FLT1: variants seen among roughly 807,000 people sequenced by gnomAD.
The protein encoded by FLT1 is vascular endothelial growth factor receptor 1.
In FLT1, 49 loss-of-function variants were observed where a neutral mutation model predicts 156.3. The observed-to-expected ratio is 0.31, with a 90% CI of 0.25 to 0.40. The LOEUF is 0.40. FLT1 is among the 10% of genes least tolerant of loss of function. FLT1 has a pLI of 1.00. For missense variants in FLT1, 1,322 were observed against 1,637.2 expected (o/e 0.81, Z 3.32); for synonymous variants, 594 against 583.8 (o/e 1.02, Z -0.25).
intron 6 of FLT1, among the ~76,000 whole-genome samples, chr13:28,432,110 CCTT>C (rs1227337737): frequency 6.6e-6 from 1 of 151,968 alleles, no homozygotes; most frequent in East Asian, 1.9e-4. Context: ...ATTGCCGTCT[CCTT>C]TTTTTTTTAA....
chr13:28,451,233 G>A (rs985862176), intron 3 of FLT1, among the ~76,000 whole-genome samples: 1 of 152,160 alleles, frequency 6.6e-6, no homozygotes, highest in African/African-American at 2.4e-5. Flanking sequence ...GACCAGCCTG[G>A]ACAACACGGT....
chr13:28,458,381 G>C (rs1879386159), intron 3 of FLT1, among the ~76,000 whole-genome samples: 1 of 152,212 alleles, frequency 6.6e-6, no homozygotes, highest in Non-Finnish European at 1.5e-5. Context: ...GTCGTTGCTA[G>C]TAAGTCTTAG....
intron 15 of FLT1, among the ~76,000 whole-genome samples, chr13:28,356,979 G>A (rs1352427907): frequency 6.6e-6 from 1 of 152,194 alleles, no homozygotes; most frequent in Non-Finnish European, 1.5e-5. Flanking sequence ...AACTGTCTGA[G>A]ACCTATAAAG....
At chr13:28,482,013 A>G (rs1268242324) in intron 1 of FLT1, among the ~76,000 whole-genome samples, 3 of 152,256 alleles carry the variant, frequency 2.0e-5, no homozygotes, top group Non-Finnish European at 2.9e-5. Context: ...AATGTATTAA[A>G]ATGTTATAAA....
At chr13:28,339,364 C>T (rs1339894970) in intron 16 of FLT1, 64 bp from the exon 17 acceptor site, 8 of 1,550,432 alleles carry the variant, frequency 5.2e-6, no homozygotes, top group East Asian at 2.3e-5. Flanking sequence ...CTAGATATTC[C>T]GTTAACATCC....
rs547126552 is a variant in FLT1 at position 28,435,176 on chromosome 13, T to A, written c.514-956A>T. ...AACTCCCAGAAGCTGAAGCTGCTGA[T>A]GGTGAAGGCAGCCTCGGAGGCCAGA... On this transcript the variant is annotated intron_variant, in intron 4 of 29. Transcript: ENST00000282397. Among the ~76,000 whole-genome samples the A allele has an allele frequency of 2.0e-5, 3 of 152,310 alleles. No individual in the cohort carries two copies. The South Asian group carries it at 6.2e-4, about 32-fold the overall frequency.
intron 11 of FLT1, among the ~76,000 whole-genome samples, chr13:28,398,531 T>C (rs1050550026): frequency 2.5e-4 from 38 of 152,232 alleles, no homozygotes; most frequent in African/African-American, 7.5e-4. Flanking sequence ...AAACACATGT[T>C]CCTCATGTTT....
chr13:28,334,038 C>T lies in FLT1; in HGVS notation c.2580G>A (p.Val860=). The T allele has an allele frequency of 1.2e-6, 2 of 1,610,240 alleles. No homozygotes were observed. The highest frequency in any genetic ancestry group is 1.7e-6 in the Non-Finnish European group (2 of 1,176,476). Residue 860 remains valine (V), a synonymous_variant, in exon 18 of 30, where the codon GTG becomes GTA. Transcript: ENST00000282397. ...CAGCATACATACCTTTCAGCATTTTCACAGCCACAGTCCGGCACGTAGGTG... is the reference window on the plus strand; with the variant it reads ...CAGCATACATACCTTTCAGCATTTTTACAGCCACAGTCCGGCACGTAGGTG... ...KKSPTCRTVA[V]KMLKEGATAS... is the part of the protein sequence containing the mutation.
At chr13:28,408,295 AC>A (rs1263481587) in intron 10 of FLT1, among the ~76,000 whole-genome samples, 3 of 151,970 alleles carry the variant, frequency 2.0e-5, no homozygotes, top group Non-Finnish European at 4.4e-5. Flanking sequence ...GACACCCCAC[AC>A]CTCCCCCATC....
At chr13:28,340,214 T>TAAA (rs58243230) in intron 16 of FLT1, among the ~76,000 whole-genome samples, 4 of 134,906 alleles carry the variant, frequency 3.0e-5, no homozygotes, top group African/African-American at 1.1e-4. Context: ...GACTCTGTCT[T>TAAA]AAAAAAAAAA....
intron 14 of FLT1, among the ~76,000 whole-genome samples, chr13:28,369,249 G>A (rs1873440821): frequency 6.6e-6 from 1 of 152,182 alleles, no homozygotes; most frequent in Non-Finnish European, 1.5e-5. Flanking sequence ...TGAAGGCCAG[G>A]CACGGTGGCT....
intron 15 of FLT1, chr13:28,345,836 A>C (rs1278782113): frequency 5.8e-6 from 2 of 344,760 alleles, no homozygotes; most frequent in Admixed American, 8.5e-5. Flanking sequence ...GTAATTCCAG[A>C]AACAGCTAAG....
rs147277608 is a variant in FLT1, at chr13:28,311,873, A to C, written c.3492+120T>G. 63 of 1,077,456 alleles carry C rather than the reference A, an allele frequency of 5.8e-5. 2 individuals are homozygous for C. The Admixed American group carries it at 1.1e-3, about 19-fold the overall frequency. The allele number at this position is 1,077,456 out of a possible 1,614,324, so 66.7% of individuals were successfully genotyped here. On this transcript the variant is annotated intron_variant, in intron 26 of 29. Coordinates refer to ENST00000282397, the MANE Select transcript of FLT1 (RefSeq NM_002019.4). ...GATAATTCTGTATACACACACACAC[A>C]CCCTTTTTTTAAACTTCTGATCTCA...
intron 15 of FLT1, among the ~76,000 whole-genome samples, chr13:28,351,423 A>G (rs1274281650): frequency 6.6e-6 from 1 of 152,204 alleles, no homozygotes; most frequent in Non-Finnish European, 1.5e-5. Flanking sequence ...GACTCTCAAG[A>G]TCCCCGAGCA....
chr13:28,321,659 A>C, intron 22 of FLT1, 74 bp from the exon 23 acceptor site: 1 of 1,470,840 alleles, frequency 6.8e-7, no homozygotes, highest in Non-Finnish European at 9.5e-7. Context: ...TGTCAGTGTC[A>C]TTATCTTAAT....
chr13:28,377,930 T>G (rs6491276), intron 14 of FLT1, among the ~76,000 whole-genome samples: 11,265 of 152,264 alleles, frequency 0.074, 446 homozygotes, highest in South Asian at 0.13. Context: ...TTCAGAATAA[T>G]GTTTACCTTT....
rs1875016291 is a variant in FLT1, at chr13:28,395,912, T to TAA, written c.1660+1047_1660+1048insTT. 2.6e-5 allele frequency among the ~76,000 whole-genome samples: 4 copies of TAA among 152,336 alleles called. No homozygotes were observed. The South Asian group carries it at 8.3e-4, about 32-fold the overall frequency. ...AAAACAGGAATTTTTCAGTCTTTTG[T>TAA]ATTCTAAATCAGACATACTACGACT... On this transcript the variant is annotated intron_variant, in intron 12 of 29. Transcript: ENST00000282397.
At chr13:28,378,321 A>G (rs529643835) in intron 14 of FLT1, among the ~76,000 whole-genome samples, 16 of 152,330 alleles carry the variant, frequency 1.1e-4, no homozygotes, top group African/African-American at 3.6e-4. Context: ...TGCTGGGATT[A>G]CAGGCATGAG....
intron 25 of FLT1, among the ~76,000 whole-genome samples, chr13:28,313,317 C>A (rs933998652): frequency 2.0e-5 from 3 of 152,176 alleles, no homozygotes; most frequent in Admixed American, 6.5e-5. Context: ...TCAGGCTCCT[C>A]TCTTGGTCAT....
Sources: gnomAD v4.1 joint callset for allele counts (sites outside exome capture counted in the v4.1 genomes callset) on GRCh38, gnomAD v4.1.1 for gene constraint, MANE v1.5 for transcripts, NCBI Gene and HGNC (gene_info 2026-07-23, HGNC 2026-07-21) for gene names.